The following CEP70 variants were observed in gnomAD, a reference collection of about 807,000 sequenced individuals.
CEP70 encodes centrosomal protein 70.
A neutral mutation model predicts 90.9 loss-of-function variants in CEP70; 70 were observed. The observed-to-expected ratio is 0.77, with a 90% CI of 0.64 to 0.94. The LOEUF (loss-of-function observed/expected upper bound fraction) is 0.94. Ranked by LOEUF, CEP70 falls within the 40% of genes least tolerant of loss-of-function variation. The probability of loss-of-function intolerance (pLI) is 0.00; values close to 1 mark genes in which losing one functional copy is unlikely to be tolerated. For synonymous variants in CEP70, 220 were observed against 228.3 expected (o/e 0.96, Z 0.33); for missense variants, 648 against 669.0 (o/e 0.97, Z 0.35).
At chr3:138,497,295 C>A in intron 17 of CEP70, 1 of 1,264,476 alleles carries the variant, frequency 7.9e-7, no homozygotes, top group South Asian at 1.3e-5. Flanking sequence ...TCATACCAAG[C>A]TTCATCTCCT....
intron 11 of CEP70, among the ~76,000 whole-genome samples, chr3:138,518,994 G>C (rs1223081821): frequency 6.6e-6 from 1 of 152,166 alleles, no homozygotes; most frequent in Non-Finnish European, 1.5e-5. Context: ...TAAAGGACCT[G>C]ATGGAGCTGA....
intron 7 of CEP70, among the ~76,000 whole-genome samples, chr3:138,535,921 GTTTT>G (rs968245179): frequency 1.3e-5 from 2 of 151,096 alleles, no homozygotes; most frequent in Non-Finnish European, 3.0e-5. Flanking sequence ...ACATTTTTAT[GTTTT>G]TTTATGTGTT....
At chr3:138,567,297 C>A (rs1366941868) in intron 6 of CEP70, among the ~76,000 whole-genome samples, 1 of 152,142 alleles carries the variant, frequency 6.6e-6, no homozygotes, top group Non-Finnish European at 1.5e-5. Context: ...CAACTGTATA[C>A]CAAAAATAGA....
intron 11 of CEP70, among the ~76,000 whole-genome samples, chr3:138,525,017 A>C (rs2037065209): frequency 6.6e-6 from 1 of 152,178 alleles, no homozygotes; most frequent in Non-Finnish European, 1.5e-5. Flanking sequence ...ACCAACCCAA[A>C]TGTCCAACAA....
chr3:138,500,511 C>T lies in CEP70; in HGVS notation c.1425G>A (p.Lys475=), dbSNP rs148908930. Residue 475 remains lysine, a synonymous_variant, in exon 15 of 18, where the codon AAG becomes AAA. Transcript: ENST00000264982. ...CATTTAAAGAAGGCACATCAAATAA[C>T]TTTTGGAAGTGAGAAACAATAGCTT... ...TLQAIVSHFQ[K]LFDVPSLNGV... 7.7e-3 allele frequency: 12,342 copies of T among 1,612,122 alleles called. 72 individuals are homozygous for T. The highest frequency in any genetic ancestry group is 9.5e-3 in the Non-Finnish European group (11,222 of 1,179,474).
intron 6 of CEP70, among the ~76,000 whole-genome samples, chr3:138,561,378 C>T (rs887224449): frequency 9.2e-5 from 14 of 152,004 alleles, no homozygotes; most frequent in South Asian, 4.2e-4. Flanking sequence ...CTCAGAGACC[C>T]CATCATAAGG....
chr3:138,495,150 A>G, intron 17 of CEP70, 74 bp from the exon 18 acceptor site: 2 of 885,716 alleles, frequency 2.3e-6, no homozygotes, highest in South Asian at 1.5e-5. Context: ...ACAAGAACCT[A>G]TATGCAAAGG....
chr3:138,530,265 A>T (rs1048076317), intron 8 of CEP70, among the ~76,000 whole-genome samples: 3 of 152,226 alleles, frequency 2.0e-5, no homozygotes, highest in African/African-American at 7.2e-5. Flanking sequence ...TTAAAAATTG[A>T]AGTAGTATAA....
intron 6 of CEP70, among the ~76,000 whole-genome samples, chr3:138,558,820 G>C (rs1041252589): frequency 6.6e-6 from 1 of 152,038 alleles, no homozygotes; most frequent in Non-Finnish European, 1.5e-5. Context: ...GGCACACCAG[G>C]AGTAAAAACA....
At chr3:138,581,694 C>CAAAAAAAAAAA (rs35064874) in intron 2 of CEP70, among the ~76,000 whole-genome samples, 59 of 79,216 alleles carry the variant, frequency 7.4e-4, no homozygotes, top group Non-Finnish European at 1.1e-3. Flanking sequence ...AAACTTGTCT[C>CAAAAAAAAAAA]AAAAAAAAAA....
chr3:138,572,403 GT>G lies in CEP70; in HGVS notation c.69+455del, dbSNP rs34665494. On this transcript the variant is annotated intron_variant, in intron 3 of 17. Coordinates refer to ENST00000264982, the MANE Select transcript of CEP70 (RefSeq NM_024491.4). ...CACAACTAAAATTAACATTGATGTT[GT>G]TTTAGGAGCCAAAAGCTCTGAGTTA... Among the ~76,000 whole-genome samples, 115 of 152,220 alleles carry G rather than the reference GT, an allele frequency of 7.6e-4. 1 individual carries two copies. In the South Asian group the frequency reaches 0.023, roughly 30 times the overall value.
intron 2 of CEP70, among the ~76,000 whole-genome samples, chr3:138,584,796 T>C (rs1451647095): frequency 1.3e-5 from 2 of 151,458 alleles, no homozygotes; most frequent in Non-Finnish European, 2.9e-5. Context: ...AAAAGGAACA[T>C]ACCTCCACAT....
rs775465960 is a variant in CEP70 at position 138,521,860 on chromosome 3, AAAAG to A, written c.944+3626_944+3629del. Among the ~76,000 whole-genome samples the A allele has an allele frequency of 3.2e-3, 490 of 152,340 alleles. 2 individuals carry two copies. The highest frequency in any genetic ancestry group is 4.8e-3 in the Non-Finnish European group (328 of 68,026). On this transcript the variant is annotated intron_variant, in intron 11 of 17. Coordinates refer to ENST00000264982, the MANE Select transcript of CEP70 (RefSeq NM_024491.4). ...AAATAGAAAAGGGGGAAATGTGGGG[AAAAG>A]AAAGAAAGATCAGATTGTTACTGTG...
chr3:138,532,724 T>C (rs2037935050), intron 7 of CEP70, among the ~76,000 whole-genome samples, 154 bp from the exon 8 acceptor site: 1 of 152,222 alleles, frequency 6.6e-6, no homozygotes, highest in Non-Finnish European at 1.5e-5. Flanking sequence ...AAAAAGCAAA[T>C]ACTATACTAA....
At chr3:138,547,925 T>C (rs1366693264) in intron 6 of CEP70, among the ~76,000 whole-genome samples, 1 of 152,166 alleles carries the variant, frequency 6.6e-6, no homozygotes, top group Non-Finnish European at 1.5e-5. Context: ...TGAACTGCAA[T>C]TGACTGACCA....
intron 12 of CEP70, 76 bp from the exon 13 acceptor site, chr3:138,505,541 T>A: frequency 1.1e-6 from 1 of 917,494 alleles, no homozygotes; most frequent in Non-Finnish European, 1.6e-6. Flanking sequence ...AAGGAGTGCT[T>A]TATGTCTATA....
In CEP70 at chr3:138,494,805, A is replaced by C; in HGVS notation, c.*210T>G. 2 of 403,932 alleles carry C rather than the reference A, an allele frequency of 5.0e-6. No individual in the cohort carries two copies. The highest frequency in any genetic ancestry group is 8.9e-6 in the Non-Finnish European group (2 of 224,870). The allele number at this position is 403,932 out of a possible 1,614,324, so 25.0% of individuals were successfully genotyped here. A position where few individuals can be genotyped will look rare whatever the true frequency, so the allele number is the denominator to read the frequency against. On this transcript the variant is annotated 3_prime_UTR_variant, in exon 18 of 18. Coordinates refer to ENST00000264982, the MANE Select transcript of CEP70 (RefSeq NM_024491.4). ...TTGCTTTAGAAATGAAGGGATCTAA[A>C]GTTAATTACCTTACCCTTGCAACTA... is the stretch of plus-strand genomic sequence containing the variant.
At chr3:138,555,823 A>G (rs2039964988) in intron 6 of CEP70, among the ~76,000 whole-genome samples, 1 of 152,224 alleles carries the variant, frequency 6.6e-6, no homozygotes, top group Admixed American at 6.5e-5. Flanking sequence ...GTGGGAATGT[A>G]AACTAGTACA....
chr3:138,578,098 C>T (rs909514302), intron 2 of CEP70, among the ~76,000 whole-genome samples: 3 of 152,216 alleles, frequency 2.0e-5, no homozygotes, highest in Non-Finnish European at 4.4e-5. Context: ...CATGGATGCT[C>T]AAGTTCCTTC....
Sources: gnomAD v4.1 joint callset for allele counts (sites outside exome capture counted in the v4.1 genomes callset) on GRCh38, gnomAD v4.1.1 for gene constraint, MANE v1.5 for transcripts, NCBI Gene and HGNC (gene_info 2026-07-23, HGNC 2026-07-21) for gene names.